Variants in PHLPP2 observed in about 807,000 individuals in gnomAD.
The protein encoded by PHLPP2 is PH domain and leucine rich repeat protein phosphatase 2, also known as PH domain leucine-rich repeat-containing protein phosphatase 2.
PHLPP2 carries 66 observed loss-of-function variants against 124.9 expected under a neutral mutation model. The ratio of observed to expected loss-of-function variants is 0.53; its 90% CI spans 0.43 to 0.65. The LOEUF is 0.65. Ranked by LOEUF, PHLPP2 falls within the 30% of genes least tolerant of loss-of-function variation. The pLI is 0.00. For synonymous variants in PHLPP2, 681 were observed against 624.7 expected (o/e 1.09, Z -1.34); for missense variants, 1,685 against 1,600.4 (o/e 1.05, Z -0.90).
intron 3 of PHLPP2, among the ~76,000 whole-genome samples, chr16:71,696,950 G>A (rs1353663650): frequency 2.6e-5 from 4 of 151,990 alleles, no homozygotes; most frequent in East Asian, 2.0e-4. Flanking sequence ...CGAGGTAGGC[G>A]GATGACTTGA....
rs1596984043 is a variant in PHLPP2, at chr16:71,648,572, C to A, written c.*318G>T. 2 of 305,220 alleles carry A rather than the reference C, an allele frequency of 6.6e-6. No homozygotes were observed. Among genetic ancestry groups the A allele is most frequent in the East Asian group, 1.3e-4 (2 of 15,292 alleles). 18.9% of individuals were successfully genotyped at this position (305,220 alleles called of 1,614,324 possible). A position where few individuals can be genotyped will look rare whatever the true frequency, so the allele number is the denominator to read the frequency against. On this transcript the variant is annotated 3_prime_UTR_variant, in exon 19 of 19. Coordinates refer to ENST00000568954, the MANE Select transcript of PHLPP2 (RefSeq NM_015020.3). ...ATCACCTGAGGTCAAGAGTTCAACA[C>A]CAGCCTGGCCAACATGGTGAAACCC...
intron 2 of PHLPP2, among the ~76,000 whole-genome samples, chr16:71,712,329 A>G (rs1486432789): frequency 6.6e-6 from 1 of 152,246 alleles, no homozygotes; most frequent in African/African-American, 2.4e-5. Flanking sequence ...GGGCTATTTC[A>G]TTATAAATGA....
intron 12 of PHLPP2, among the ~76,000 whole-genome samples, chr16:71,665,621 G>C (rs937864227): frequency 6.6e-6 from 1 of 152,124 alleles, no homozygotes; most frequent in Non-Finnish European, 1.5e-5. Context: ...GGCAGGTACT[G>C]TGTGTCTGCT....
rs541811361 is a variant in PHLPP2, at chr16:71,696,853, T to G, written c.418+5745A>C. Among the ~76,000 whole-genome samples, 3 of 152,234 alleles carry G rather than the reference T, an allele frequency of 2.0e-5. No homozygotes were observed. The South Asian group carries it at 6.2e-4, about 32-fold the overall frequency. ...ATTCATTCAAGTGAGCATTCTGTTT[T>G]GCCAGGGGTTAACACTGTCATTCAA... On this transcript the variant is annotated intron_variant, in intron 3 of 18. Transcript: ENST00000568954.
Position 71,679,424 on chromosome 16 carries a change from A to C in PHLPP2, c.1002T>G (p.Phe334Leu). The C allele has an allele frequency of 1.9e-6, 3 of 1,614,008 alleles. No individual in the cohort carries two copies. The highest frequency in any genetic ancestry group is 2.5e-6 in the Non-Finnish European group (3 of 1,179,862). ...TGCCAATTTGACTTGGTAGGTCATGAAATCCATTACAGGAAAGGTTGAGCT... is the reference window on the plus strand; with the variant it reads ...TGCCAATTTGACTTGGTAGGTCATGCAATCCATTACAGGAAAGGTTGAGCT... Reference protein sequence around the residue: ...LTELNLSCNGFHDLPSQIGNL... With the variant: ...LTELNLSCNGLHDLPSQIGNL... The change falls in exon 7 of 19, where the codon TTT (phenylalanine) becomes TTG (leucine). Residue 334 changes from phenylalanine (F) to leucine (L), a missense_variant. Coordinates refer to ENST00000568954, the MANE Select transcript of PHLPP2 (RefSeq NM_015020.3).
At chr16:71,683,567 C>T (rs979584188) in intron 5 of PHLPP2, among the ~76,000 whole-genome samples, 81 of 152,232 alleles carry the variant, frequency 5.3e-4, no homozygotes, top group African/African-American at 1.9e-3. Flanking sequence ...AAGGTCAAAT[C>T]TCTTTGTGTC....
In PHLPP2 at chr16:71,663,944, C is replaced by T. The variant is rs772111921; in HGVS notation, c.1940G>A (p.Arg647Gln). The change falls in exon 13 of 19, where the codon CGA (arginine) becomes CAA (glutamine). Residue 647 changes from arginine to glutamine, a missense_variant. Transcript: ENST00000568954. ...IPVLVGHLHL[R>Q]ILHLANNQLQ... ...CTGATTGTTTGCAAGGTGCAAGATTCGCAGGTGCAGGTGCCCTACCAGGAC... is the reference window on the plus strand; with the variant it reads ...CTGATTGTTTGCAAGGTGCAAGATTTGCAGGTGCAGGTGCCCTACCAGGAC... 13 of 1,614,128 alleles carry T rather than the reference C, an allele frequency of 8.1e-6. No homozygotes were observed. The highest frequency in any genetic ancestry group is 1.1e-5 in the Non-Finnish European group (13 of 1,179,992).
At chr16:71,693,202 G>A (rs940981186) in intron 3 of PHLPP2, among the ~76,000 whole-genome samples, 6 of 152,074 alleles carry the variant, frequency 3.9e-5, no homozygotes, top group Admixed American at 2.0e-4. Context: ...CAGGAGAATC[G>A]CTTGAACCCA....
intron 1 of PHLPP2, among the ~76,000 whole-genome samples, chr16:71,722,917 T>A (rs553498876): frequency 6.6e-6 from 1 of 152,332 alleles, no homozygotes; most frequent in South Asian, 2.1e-4. Flanking sequence ...CACCCTACCT[T>A]GTGCATTCCT....
chr16:71,670,832 C>A (rs2044886428), intron 10 of PHLPP2, among the ~76,000 whole-genome samples: 1 of 151,956 alleles, frequency 6.6e-6, no homozygotes, highest in Non-Finnish European at 1.5e-5. Flanking sequence ...CTGGACTGGC[C>A]ATGAACAGAG....
chr16:71,655,208 T>G, intron 17 of PHLPP2, 32 bp downstream of exon 17: 4 of 1,460,208 alleles, frequency 2.7e-6, no homozygotes, highest in Non-Finnish European at 3.8e-6. Flanking sequence ...AAAGTAGAAC[T>G]GAGTTAGGGA....
At chr16:71,660,979 T>A (rs1410461717) in intron 13 of PHLPP2, among the ~76,000 whole-genome samples, 9 of 152,272 alleles carry the variant, frequency 5.9e-5, no homozygotes, top group African/African-American at 1.4e-4. Flanking sequence ...CACACATTTT[T>A]AAAAATATGT....
intron 1 of PHLPP2, among the ~76,000 whole-genome samples, chr16:71,717,077 G>A (rs2045367711): frequency 6.6e-6 from 1 of 152,178 alleles, no homozygotes; most frequent in South Asian, 2.1e-4. Flanking sequence ...GCAAGAAGCT[G>A]AACAAACTTG....
intron 10 of PHLPP2, among the ~76,000 whole-genome samples, chr16:71,669,921 C>T (rs1205481400): frequency 1.3e-5 from 2 of 152,066 alleles, no homozygotes; most frequent in Non-Finnish European, 2.9e-5. Context: ...GACAGCTTCT[C>T]TAGGCCTCAA....
chr16:71,670,194 C>T (rs76344704), intron 10 of PHLPP2, among the ~76,000 whole-genome samples: 12,858 of 152,210 alleles, frequency 0.084, 574 homozygotes, highest in Middle Eastern at 0.11. Flanking sequence ...TGGGGAATAA[C>T]AAGCAGCTTG....
chr16:71,649,157 G>C lies in PHLPP2; in HGVS notation c.3705C>G (p.Leu1235=), dbSNP rs2044675224. 6.2e-7 allele frequency: 1 copy of C among 1,614,184 alleles called. No homozygotes were observed. Among genetic ancestry groups the C allele is most frequent in the East Asian group, 2.2e-5 (1 of 44,890 alleles). The change falls in exon 19 of 19, where the codon CTC becomes CTG. Residue 1235 remains leucine (L), a synonymous_variant. Coordinates refer to ENST00000568954, the MANE Select transcript of PHLPP2 (RefSeq NM_015020.3). ...ELQKSPSTSC[L]YGKKLSNGSI... is the part of the protein sequence containing the mutation. Reference sequence around the variant, plus strand: ...AGCCATTGGAGAGTTTCTTCCCATAGAGGCAGGAGGTGGAGGGAGACTTCT... The same window carrying C: ...AGCCATTGGAGAGTTTCTTCCCATACAGGCAGGAGGTGGAGGGAGACTTCT...
chr16:71,705,901 G>A (rs756010714), intron 2 of PHLPP2, among the ~76,000 whole-genome samples: 43 of 152,124 alleles, frequency 2.8e-4, no homozygotes, highest in Non-Finnish European at 1.9e-4. Context: ...TAAAATGAAG[G>A]ACTAATTCCA....
intron 3 of PHLPP2, among the ~76,000 whole-genome samples, chr16:71,698,398 T>G (rs2045195408): frequency 1.3e-5 from 2 of 152,204 alleles, no homozygotes; most frequent in South Asian, 2.1e-4. Context: ...ACATAGGGCC[T>G]CAATCATGTG....
intron 13 of PHLPP2, among the ~76,000 whole-genome samples, chr16:71,662,164 G>A (rs1463851985): frequency 6.6e-6 from 1 of 150,654 alleles, no homozygotes; most frequent in Non-Finnish European, 1.5e-5. Context: ...GGGCGCAGTG[G>A]CTCACACCTG....
Sources: allele counts gnomAD v4.1 joint callset (sites outside exome capture counted in the v4.1 genomes callset), GRCh38; gene constraint gnomAD v4.1.1; transcripts MANE v1.5; gene names NCBI Gene and HGNC (gene_info 2026-07-23, HGNC 2026-07-21).